SLC2A9: variants seen among roughly 807,000 people sequenced by gnomAD.
SLC2A9 encodes solute carrier family 2 member 9.
Under a neutral mutation model 50.6 loss-of-function variants are expected in SLC2A9, and 39 were observed. The observed-to-expected ratio is 0.77, with a 90% confidence interval of 0.60 to 1.01. The LOEUF (loss-of-function observed/expected upper bound fraction) is 1.01. Among genes scored for constraint, SLC2A9 ranks in the 50% least tolerant of loss-of-function variants. SLC2A9 has a pLI of 0.00. For missense variants in SLC2A9, 686 were observed against 677.6 expected, an observed-to-expected ratio of 1.01 and a Z score of -0.14; for synonymous variants, 324 against 276.9, an observed-to-expected ratio of 1.17 and a Z score of -1.69.
intron 1 of SLC2A9, among the ~76,000 whole-genome samples, chr4:10,039,233 C>T (rs1764201277): frequency 6.6e-6 from 1 of 152,194 alleles, no homozygotes; most frequent in Non-Finnish European, 1.5e-5. Context: ...AGTGTAAGTG[C>T]CGCACACACT....
chr4:9,802,446 TG>T (rs916031672), intron 3 of SLC2A9, among the ~76,000 whole-genome samples: 4 of 152,014 alleles, frequency 2.6e-5, no homozygotes, highest in African/African-American at 9.7e-5. Flanking sequence ...AAGGGCTCTG[TG>T]GCCGATATGA....
intron 5 of SLC2A9, among the ~76,000 whole-genome samples, chr4:9,949,259 G>A (rs1054833067): frequency 1.3e-5 from 2 of 152,156 alleles, no homozygotes; most frequent in Admixed American, 1.3e-4. Context: ...GTAAAAGGCA[G>A]GTGTTTAGTA....
intron 10 of SLC2A9, among the ~76,000 whole-genome samples, chr4:9,849,831 C>G (rs976455156): frequency 1.3e-5 from 2 of 152,066 alleles, no homozygotes; most frequent in Admixed American, 6.5e-5. Context: ...TGAGGAGTTT[C>G]TGTTTCAATA....
intron 6 of SLC2A9, among the ~76,000 whole-genome samples, chr4:9,922,356 AG>A (rs1744094022): frequency 6.6e-6 from 1 of 152,148 alleles, no homozygotes; most frequent in South Asian, 2.1e-4. Flanking sequence ...TAGAAAAAAT[AG>A]CTAATGCATG....
chr4:9,835,646 A>G (rs1726928259), intron 10 of SLC2A9, among the ~76,000 whole-genome samples: 1 of 152,258 alleles, frequency 6.6e-6, no homozygotes, highest in Admixed American at 6.5e-5. Flanking sequence ...GGTCAAAAGC[A>G]ACATGTCCTT....
intron 7 of SLC2A9, among the ~76,000 whole-genome samples, chr4:9,918,495 C>T (rs1472124592): frequency 1.3e-5 from 2 of 152,188 alleles, no homozygotes; most frequent in Non-Finnish European, 2.9e-5. Flanking sequence ...CATGGGGGTG[C>T]TCTGAGGGGG....
intron 10 of SLC2A9, among the ~76,000 whole-genome samples, chr4:9,838,922 C>A (rs1448770846): frequency 6.6e-6 from 1 of 152,136 alleles, no homozygotes; most frequent in Non-Finnish European, 1.5e-5. Flanking sequence ...CTAGGCAATA[C>A]CATTCGGCAA....
Position 9,826,617 on chromosome 4 carries a change from A to G in SLC2A9, c.1420-17T>C, listed in dbSNP as rs757906768. On this transcript the variant is annotated splice_polypyrimidine_tract_variant and intron_variant, in intron 11 of 11. Coordinates refer to ENST00000264784, the MANE Select transcript of SLC2A9 (RefSeq NM_020041.3). ...CAGACTTTTCTGTGGAAAGGCAGAG[A>G]CAAAAACCCTCAAATAGATAATCAG... The G allele has an allele frequency of 6.2e-6, 10 of 1,610,546 alleles. No homozygotes were observed. The Admixed American group carries it at 1.0e-4, about 16-fold the overall frequency.
chr4:9,861,586 G>GT (rs1352422952), intron 10 of SLC2A9, among the ~76,000 whole-genome samples: 1 of 152,110 alleles, frequency 6.6e-6, no homozygotes, highest in African/African-American at 2.4e-5. Context: ...TTGTTTGTTT[G>GT]TTTTGCTCCA....
At chr4:9,918,691 G>A (rs1272151491) in intron 7 of SLC2A9, among the ~76,000 whole-genome samples, 1 of 152,220 alleles carries the variant, frequency 6.6e-6, no homozygotes, top group Non-Finnish European at 1.5e-5. Flanking sequence ...CAGCCCAGTA[G>A]GTGGAGGCCA....
intron 3 of SLC2A9, among the ~76,000 whole-genome samples, chr4:9,791,362 C>T (rs1719897367): frequency 6.6e-6 from 1 of 152,210 alleles, no homozygotes; most frequent in Non-Finnish European, 1.5e-5. Flanking sequence ...GAAGCAGATA[C>T]TGTGTCTCTC....
Position 10,021,308 on chromosome 4 carries a change from C to T in SLC2A9, c.122G>A (p.Ser41Asn), listed in dbSNP as rs761098513. 2.5e-6 allele frequency: 4 copies of T among 1,613,978 alleles called. No individual in the cohort carries two copies. Among genetic ancestry groups the T allele is most frequent in the East Asian group, 2.2e-5 (1 of 44,898 alleles). ...RALLECDHLR[S>N]GVPGGRRRKD... is the part of the protein sequence containing the mutation. ...TCTTCTCCTTCCACCTGGCACCCCA[C>T]TCCTCAGGTGGTCACACTCCAGCAG... Residue 41 changes from serine to asparagine, a missense_variant, in exon 1 of 12, where the codon AGT (serine) becomes AAT (asparagine). Ser to Asn is a conservative substitution (Grantham distance 46, BLOSUM62 1). Transcript: ENST00000264784.
chr4:9,895,095 T>C (rs1738276231), intron 8 of SLC2A9, among the ~76,000 whole-genome samples: 1 of 152,188 alleles, frequency 6.6e-6, no homozygotes, highest in African/African-American at 2.4e-5. Flanking sequence ...CAAAAGTCAG[T>C]TGAGAACCAT....
chr4:9,882,453 G>T (rs994558651), intron 10 of SLC2A9, among the ~76,000 whole-genome samples: 1 of 152,088 alleles, frequency 6.6e-6, no homozygotes, highest in African/African-American at 2.4e-5. Context: ...CTGAATATTG[G>T]TTTTTTCATC....
chr4:9,867,097 T>G (rs1370579083), intron 10 of SLC2A9, among the ~76,000 whole-genome samples: 1 of 152,216 alleles, frequency 6.6e-6, no homozygotes, highest in Non-Finnish European at 1.5e-5. Context: ...ATGGGCAGCG[T>G]GTGAATGCAA....
At chr4:10,035,484 A>T (rs1764070390) in intron 1 of SLC2A9, 1 of 152,216 alleles carries the variant, frequency 6.6e-6, no homozygotes, top group Non-Finnish European at 1.5e-5. Flanking sequence ...CACCTTCTGC[A>T]TCTCGAAGGT....
intron 3 of SLC2A9, among the ~76,000 whole-genome samples, chr4:9,990,047 TG>T (rs1430218685): frequency 1.3e-5 from 2 of 152,096 alleles, no homozygotes; most frequent in African/African-American, 4.8e-5. Context: ...CATTGGTCCT[TG>T]TCACAGGCCG....
chr4:9,900,512 G>A (rs1173198072), intron 8 of SLC2A9, among the ~76,000 whole-genome samples: 4 of 152,214 alleles, frequency 2.6e-5, no homozygotes, highest in African/African-American at 9.6e-5. Context: ...TGTGCTTCCA[G>A]GGCAAAACCC....
downstream of SLC2A9, among the ~76,000 whole-genome samples, chr4:9,825,278 A>C (rs1724954710): frequency 6.6e-6 from 1 of 152,238 alleles, no homozygotes; most frequent in Non-Finnish European, 1.5e-5. Context: ...TTAGCATGTA[A>C]GAGTTAGAAG....
Sources: gnomAD v4.1 joint callset for allele counts (sites outside exome capture counted in the v4.1 genomes callset) on GRCh38, gnomAD v4.1.1 for gene constraint, MANE v1.5 for transcripts, NCBI Gene and HGNC (gene_info 2026-07-23, HGNC 2026-07-21) for gene names.